The following EXOC4 variants were observed in gnomAD, a reference collection of about 807,000 sequenced individuals.
EXOC4 encodes the protein exocyst complex component 4.
In EXOC4, 71 loss-of-function variants were observed where a neutral mutation model predicts 107.2. The ratio of observed to expected loss-of-function variants is 0.66; its 90% CI spans 0.55 to 0.81. The LOEUF is 0.81. Among genes scored for constraint, EXOC4 ranks in the 30% least tolerant of loss-of-function variants. The pLI is 0.00. For synonymous variants in EXOC4, 456 were observed against 441.2 expected (o/e 1.03, Z -0.42); for missense variants, 1,108 against 1,189.6 (o/e 0.93, Z 1.01).
At chr7:133,689,453 G>A (rs1794373519) in intron 10 of EXOC4, among the ~76,000 whole-genome samples, 1 of 152,202 alleles carries the variant, frequency 6.6e-6, no homozygotes, top group Non-Finnish European at 1.5e-5. Flanking sequence ...GAGATTTATA[G>A]CCAAGGATAT....
intron 14 of EXOC4, among the ~76,000 whole-genome samples, chr7:133,978,882 G>T (rs1305814635): frequency 6.6e-6 from 1 of 152,178 alleles, no homozygotes; most frequent in Non-Finnish European, 1.5e-5. Context: ...ACCCCTACTG[G>T]CAAGAAGTTG....
At chr7:133,358,121 A>C (rs1796062992) in intron 6 of EXOC4, among the ~76,000 whole-genome samples, 1 of 152,032 alleles carries the variant, frequency 6.6e-6, no homozygotes, top group African/African-American at 2.4e-5. Context: ...CGGGGAGGCG[A>C]AGGTTGCAGT....
chr7:133,531,554 G>T (rs1483591905), intron 9 of EXOC4, among the ~76,000 whole-genome samples: 1 of 152,064 alleles, frequency 6.6e-6, no homozygotes, highest in Non-Finnish European at 1.5e-5. Flanking sequence ...ATGGACTGTG[G>T]CACTACCACT....
At chr7:133,575,199 G>A (rs1180130888) in intron 9 of EXOC4, among the ~76,000 whole-genome samples, 1 of 151,970 alleles carries the variant, frequency 6.6e-6, no homozygotes, top group East Asian at 1.9e-4. Context: ...CACATTGTCC[G>A]AGTCTTCATC....
At chr7:133,465,184 G>A (rs1563076071) in intron 7 of EXOC4, among the ~76,000 whole-genome samples, 3 of 152,052 alleles carry the variant, frequency 2.0e-5, no homozygotes, top group South Asian at 4.2e-4. Context: ...AAGAAAAGGG[G>A]AGAAAGCAAT....
chr7:133,331,561 G>C (rs1450650724), intron 5 of EXOC4, among the ~76,000 whole-genome samples: 3 of 147,638 alleles, frequency 2.0e-5, no homozygotes, highest in East Asian at 4.1e-4. Context: ...GCCCCCTGGG[G>C]TTCATGCCAT....
chr7:133,655,374 A>G (rs1410454912), intron 10 of EXOC4, among the ~76,000 whole-genome samples: 1 of 152,148 alleles, frequency 6.6e-6, no homozygotes, highest in Non-Finnish European at 1.5e-5. Context: ...ATATTGAAAT[A>G]TACCATACAC....
At chr7:133,391,249 G>T (rs1054099337) in intron 7 of EXOC4, among the ~76,000 whole-genome samples, 1 of 152,220 alleles carries the variant, frequency 6.6e-6, no homozygotes, top group African/African-American at 2.4e-5. Context: ...TTCACAGGAA[G>T]ATGACGGCTG....
intron 3 of EXOC4, 116 bp from the exon 4 acceptor site, chr7:133,305,761 G>T: frequency 1.2e-6 from 1 of 815,368 alleles, no homozygotes. Flanking sequence ...TTTATATGCT[G>T]ATAAAGTTCT....
chr7:133,610,779 T>C (rs935015476), intron 9 of EXOC4, among the ~76,000 whole-genome samples: 1 of 151,840 alleles, frequency 6.6e-6, no homozygotes, highest in Non-Finnish European at 1.5e-5. Flanking sequence ...AAAATTTTAC[T>C]AAGAACTTAA....
At position 134,064,334 on chromosome 7, in the gene EXOC4, A is replaced by C; in HGVS notation, c.2731A>C (p.Asn911His). 1 of 1,515,534 alleles carries C rather than the reference A, an allele frequency of 6.6e-7. No homozygotes were observed. Among genetic ancestry groups the C allele is most frequent in the South Asian group, 1.3e-5 (1 of 78,692 alleles). 93.9% of individuals were successfully genotyped at this position (1,515,534 alleles called of 1,614,324 possible). ...MLYNTADELLNLVVDQGVKYT... is the reference protein window; with the variant it reads ...MLYNTADELLHLVVDQGVKYT... ...TTACAACACAGCTGACGAGCTCCTG[A>C]ACCTGGTGGTGGACCAGGGTGTGAA... Residue 911 changes from asparagine to histidine, a missense_variant, in exon 18 of 18, where the codon AAC becomes CAC. Physicochemically the swap from Asn to His is moderately conservative, Grantham distance 68 (BLOSUM62 1). Coordinates refer to ENST00000253861, the MANE Select transcript of EXOC4 (RefSeq NM_021807.4).
intron 9 of EXOC4, among the ~76,000 whole-genome samples, chr7:133,537,597 A>G (rs1228793885): frequency 6.6e-6 from 1 of 152,108 alleles, no homozygotes; most frequent in East Asian, 1.9e-4. Context: ...TTCTAGTCAG[A>G]TTCTTTGTTT....
chr7:134,072,633 A>G, the EXOC4 span, among the ~76,000 whole-genome samples: 1 of 152,184 alleles, frequency 6.6e-6, no homozygotes. Flanking sequence ...ATTTGGGAGT[A>G]GCGTGTCCTG....
intron 5 of EXOC4, among the ~76,000 whole-genome samples, chr7:133,340,043 T>C (rs1333497817): frequency 1.3e-5 from 2 of 152,094 alleles, no homozygotes; most frequent in Admixed American, 1.3e-4. Context: ...CTTCCAGGAG[T>C]ATGTTGAACA....
At chr7:133,796,529 G>A (rs966980624) in intron 10 of EXOC4, among the ~76,000 whole-genome samples, 5 of 152,184 alleles carry the variant, frequency 3.3e-5, no homozygotes, top group African/African-American at 1.2e-4. Context: ...GGAGGCCGAG[G>A]TGGGCGGATC....
intron 14 of EXOC4, among the ~76,000 whole-genome samples, chr7:133,971,224 G>T (rs1801213895): frequency 6.6e-6 from 1 of 151,200 alleles, no homozygotes; most frequent in Admixed American, 6.6e-5. Context: ...GTAAGAGATT[G>T]ATTTCTCTTT....
chr7:133,263,627 C>G (rs1584759532), intron 1 of EXOC4, among the ~76,000 whole-genome samples: 1 of 152,136 alleles, frequency 6.6e-6, no homozygotes, highest in Middle Eastern at 3.4e-3. Flanking sequence ...AGCAATCTGC[C>G]TGCCTTGGCC....
intron 7 of EXOC4, among the ~76,000 whole-genome samples, chr7:133,445,862 A>G (rs543246279): frequency 3.3e-5 from 5 of 152,080 alleles, no homozygotes; most frequent in Non-Finnish European, 7.4e-5. Flanking sequence ...AAATACACAG[A>G]AAAATTAGCC....
Position 133,822,420 on chromosome 7 carries a change from ACCC to A in EXOC4, c.1734+4878_1734+4880del, listed in dbSNP as rs566117567. 6.1e-3 allele frequency among the ~76,000 whole-genome samples: 923 copies of A among 152,200 alleles called. 4 individuals carry two copies. The highest frequency in any genetic ancestry group is 0.024 in the Middle Eastern group (7 of 294). ...AGGGGACTAATGCTTAAGGTTTTTG[ACCC>A]CTTACCCATCAAATTGCTGAATAGG... On this transcript the variant is annotated intron_variant, in intron 11 of 17. Coordinates refer to ENST00000253861, the MANE Select transcript of EXOC4 (RefSeq NM_021807.4).
Sources: gnomAD v4.1 joint callset for allele counts (sites outside exome capture counted in the v4.1 genomes callset) on GRCh38, gnomAD v4.1.1 for gene constraint, MANE v1.5 for transcripts, NCBI Gene and HGNC (gene_info 2026-07-23, HGNC 2026-07-21) for gene names.